Variants in NMNAT2 observed in about 807,000 individuals in gnomAD.
NMNAT2 encodes nicotinamide/nicotinic acid mononucleotide adenylyltransferase 2.
NMNAT2 carries 11 observed loss-of-function variants against 41.6 expected under a neutral mutation model. That is an observed-to-expected ratio of 0.26 (90% confidence interval 0.17 to 0.44). NMNAT2 has a LOEUF of 0.44. Among genes scored for constraint, NMNAT2 ranks in the 20% least tolerant of loss-of-function variants. The probability of loss-of-function intolerance (pLI) is 1.00; values close to 1 mark genes in which losing one functional copy is unlikely to be tolerated. For synonymous variants in NMNAT2, 148 were observed against 151.2 expected, an observed-to-expected ratio of 0.98 and a Z score of 0.16; for missense variants, 288 against 407.7, an observed-to-expected ratio of 0.71 and a Z score of 2.53.
At chr1:183,335,608 T>C (rs995530637) in intron 1 of NMNAT2, among the ~76,000 whole-genome samples, 1 of 152,234 alleles carries the variant, frequency 6.6e-6, no homozygotes, top group African/African-American at 2.4e-5. Context: ...ATATAATGCC[T>C]TCCTAAAGCT....
At chr1:183,363,204 A>T (rs1663341529) in intron 1 of NMNAT2, among the ~76,000 whole-genome samples, 1 of 152,254 alleles carries the variant, frequency 6.6e-6, no homozygotes, top group African/African-American at 2.4e-5. Context: ...GAAAGATCAC[A>T]GGCTTACCTG....
At chr1:183,411,485 T>TA (rs1553223399) in intron 1 of NMNAT2, among the ~76,000 whole-genome samples, 3 of 152,116 alleles carry the variant, frequency 2.0e-5, no homozygotes, top group Non-Finnish European at 4.4e-5. Context: ...TTGGAATTTT[T>TA]AGTAGAGACA....
intron 1 of NMNAT2, among the ~76,000 whole-genome samples, chr1:183,375,077 G>A (rs1436353437): frequency 1.3e-5 from 2 of 152,104 alleles, no homozygotes; most frequent in Non-Finnish European, 2.9e-5. Flanking sequence ...GGGGCAGGAA[G>A]GCCTCTTAGG....
chr1:183,317,861 A>G (rs1025644040), intron 1 of NMNAT2, among the ~76,000 whole-genome samples: 1 of 152,198 alleles, frequency 6.6e-6, no homozygotes, highest in Non-Finnish European at 1.5e-5. Flanking sequence ...ATTCTTGACC[A>G]GTGTCCAAAA....
intron 8 of NMNAT2, among the ~76,000 whole-genome samples, chr1:183,271,205 C>T (rs1299081930): frequency 6.6e-6 from 1 of 152,190 alleles, no homozygotes; most frequent in African/African-American, 2.4e-5. Context: ...CTCTTGAGAG[C>T]AGCTAATACA....
intron 7 of NMNAT2, among the ~76,000 whole-genome samples, chr1:183,280,641 G>A (rs534387531): frequency 4.0e-4 from 61 of 152,070 alleles, no homozygotes; most frequent in Non-Finnish European, 7.1e-4. Flanking sequence ...GCCCACCGTG[G>A]CCTCCCAAAG....
At chr1:183,285,409 G>A (rs1399909491) in intron 5 of NMNAT2, among the ~76,000 whole-genome samples, 2 of 152,222 alleles carry the variant, frequency 1.3e-5, no homozygotes, top group Non-Finnish European at 2.9e-5. Flanking sequence ...TCCTTCCCAT[G>A]CAGATGGTCT....
At chr1:183,376,842 G>A (rs570429035) in intron 1 of NMNAT2, among the ~76,000 whole-genome samples, 1 of 152,206 alleles carries the variant, frequency 6.6e-6, no homozygotes, top group South Asian at 2.1e-4. Flanking sequence ...CATCTCCTTG[G>A]GCCTGAGAAC....
chr1:183,390,119 G>T (rs935143818), intron 1 of NMNAT2, among the ~76,000 whole-genome samples: 15 of 152,090 alleles, frequency 9.9e-5, no homozygotes, highest in Admixed American at 2.0e-4. Context: ...AGTGGTACGG[G>T]AAGGTGGGGA....
chr1:183,289,796 C>T (rs1355733161), intron 4 of NMNAT2, among the ~76,000 whole-genome samples: 1 of 152,202 alleles, frequency 6.6e-6, no homozygotes, highest in Non-Finnish European at 1.5e-5. Context: ...TTCTGAAGTC[C>T]TATCACTGTG....
At chr1:183,365,704 C>T (rs1663398695) in intron 1 of NMNAT2, among the ~76,000 whole-genome samples, 1 of 151,968 alleles carries the variant, frequency 6.6e-6, no homozygotes, top group Admixed American at 6.6e-5. Context: ...TGCCACTGCA[C>T]TACAGCCTGG....
chr1:183,273,809 T>C (rs1661047787), intron 8 of NMNAT2, among the ~76,000 whole-genome samples: 4 of 147,190 alleles, frequency 2.7e-5, no homozygotes, highest in African/African-American at 7.6e-5. Context: ...CTTTCTCTCT[T>C]TCTTTCCTTT....
chr1:183,299,039 G>A (rs1298632286), intron 1 of NMNAT2, among the ~76,000 whole-genome samples: 1 of 152,166 alleles, frequency 6.6e-6, no homozygotes, highest in Admixed American at 6.5e-5. Context: ...TAACTAAACT[G>A]TGGTACACCC....
intron 1 of NMNAT2, among the ~76,000 whole-genome samples, chr1:183,326,394 A>T (rs1028659852): frequency 6.6e-6 from 1 of 151,552 alleles, no homozygotes; most frequent in Non-Finnish European, 1.5e-5. Flanking sequence ...AAAAAAAAAA[A>T]AAAAAAAGAC....
chr1:183,320,045 C>T (rs1447149304), intron 1 of NMNAT2, among the ~76,000 whole-genome samples: 1 of 152,176 alleles, frequency 6.6e-6, no homozygotes, highest in Non-Finnish European at 1.5e-5. Context: ...CTGAGTGAAA[C>T]CAGACAAGGT....
At chr1:183,393,175 C>T (rs1279508930) in intron 1 of NMNAT2, among the ~76,000 whole-genome samples, 1 of 152,214 alleles carries the variant, frequency 6.6e-6, no homozygotes, top group East Asian at 1.9e-4. Flanking sequence ...TACACTTTCA[C>T]TTTATCAAGA....
At chr1:183,324,576 C>T (rs992684536) in intron 1 of NMNAT2, among the ~76,000 whole-genome samples, 1 of 152,164 alleles carries the variant, frequency 6.6e-6, no homozygotes, top group South Asian at 2.1e-4. Flanking sequence ...GAACCAACAG[C>T]GCAAACCACT....
At chr1:183,403,141 C>T (rs1473027576) in intron 1 of NMNAT2, among the ~76,000 whole-genome samples, 1 of 151,974 alleles carries the variant, frequency 6.6e-6, no homozygotes, top group Non-Finnish European at 1.5e-5. Context: ...ACCATGTTGG[C>T]TAGGCTGGTC....
chr1:183,263,502 C>T (rs981545115), intron 8 of NMNAT2, among the ~76,000 whole-genome samples: 23 of 152,156 alleles, frequency 1.5e-4, no homozygotes, highest in Admixed American at 7.9e-4. Context: ...TCCAAAGCCC[C>T]GCTCACACCT....
Sources: allele counts gnomAD v4.1 joint callset (sites outside exome capture counted in the v4.1 genomes callset), GRCh38; gene constraint gnomAD v4.1.1; transcripts MANE v1.5; gene names NCBI Gene and HGNC (gene_info 2026-07-23, HGNC 2026-07-21).